Variants in UBASH3B observed in about 807,000 individuals in gnomAD.
UBASH3B encodes ubiquitin associated and SH3 domain containing B, also known as ubiquitin-associated and SH3 domain-containing protein B.
UBASH3B carries 37 observed loss-of-function variants against 83.4 expected under a neutral mutation model. That is an observed-to-expected ratio of 0.44 (90% CI 0.34 to 0.58). The LOEUF (loss-of-function observed/expected upper bound fraction) is 0.58, where lower values mean the gene tolerates loss of function less well. Among genes scored for constraint, UBASH3B ranks in the 20% least tolerant of loss-of-function variants. The pLI, the probability that UBASH3B is intolerant of heterozygous loss-of-function variation, is 0.01. For synonymous variants in UBASH3B, 304 were observed against 318.3 expected, an observed-to-expected ratio of 0.96 and a Z score of 0.48; for missense variants, 657 against 827.2, an observed-to-expected ratio of 0.79 and a Z score of 2.52.
chr11:122,677,477 T>G (rs1863683079), intron 1 of UBASH3B, among the ~76,000 whole-genome samples: 1 of 152,198 alleles, frequency 6.6e-6, no homozygotes, highest in Non-Finnish European at 1.5e-5. Flanking sequence ...TGTACGTACC[T>G]GATGCCGTGC....
intron 11 of UBASH3B, among the ~76,000 whole-genome samples, chr11:122,803,584 C>A (rs900795951): frequency 6.6e-6 from 1 of 151,936 alleles, no homozygotes; most frequent in Admixed American, 6.5e-5. Context: ...GGAGCTGGGC[C>A]AGAGGAGCAA....
chr11:122,690,038 G>A lies in UBASH3B; in HGVS notation c.161+33828G>A, dbSNP rs541746949. 4.6e-5 allele frequency among the ~76,000 whole-genome samples: 7 copies of A among 151,414 alleles called. No individual in the cohort carries two copies. The South Asian group carries it at 1.3e-3, about 27-fold the overall frequency. On this transcript the variant is annotated intron_variant, in intron 1 of 13. Coordinates refer to ENST00000284273, the MANE Select transcript of UBASH3B (RefSeq NM_032873.5). Reference sequence around the variant, plus strand: ...CTCAGCATTTCTTCCCCCAGGGTGGGACATTCTCTGGGGAGGGTCTTCTGA... The same window carrying A: ...CTCAGCATTTCTTCCCCCAGGGTGGAACATTCTCTGGGGAGGGTCTTCTGA...
intron 3 of UBASH3B, 50 bp from the exon 4 acceptor site, chr11:122,779,447 C>T (rs1483828620): frequency 6.2e-7 from 1 of 1,603,560 alleles, no homozygotes; most frequent in Non-Finnish European, 8.5e-7. Context: ...TAGCAGCAGA[C>T]TTCCATCTCC....
chr11:122,715,792 T>C (rs1860515576), intron 1 of UBASH3B, among the ~76,000 whole-genome samples: 1 of 152,216 alleles, frequency 6.6e-6, no homozygotes, highest in African/African-American at 2.4e-5. Context: ...ATTGCCAGGT[T>C]CTGTAACCAC....
chr11:122,712,188 C>T (rs547612936), intron 1 of UBASH3B, among the ~76,000 whole-genome samples: 2 of 152,272 alleles, frequency 1.3e-5, no homozygotes, highest in African/African-American at 4.8e-5. Context: ...GGAGCAAGTG[C>T]CAAAGTCAGC....
chr11:122,717,757 C>T (rs2135941353), intron 1 of UBASH3B, among the ~76,000 whole-genome samples: 1 of 152,270 alleles, frequency 6.6e-6, no homozygotes, highest in East Asian at 1.9e-4. Context: ...TTCTATAACT[C>T]TGAGAAGTCA....
intron 5 of UBASH3B, among the ~76,000 whole-genome samples, chr11:122,784,368 A>G (rs1028153623): frequency 3.3e-5 from 5 of 152,186 alleles, no homozygotes; most frequent in Non-Finnish European, 7.3e-5. Flanking sequence ...CTGAAACAAA[A>G]CTACATCATA....
Position 122,779,659 on chromosome 11 carries a change from G to T in UBASH3B, c.565G>T (p.Ala189Ser), listed in dbSNP as rs917080632. 1.9e-6 allele frequency: 3 copies of T among 1,614,090 alleles called. No homozygotes were observed. Among genetic ancestry groups the T allele is most frequent in the Non-Finnish European group, 2.5e-6 (3 of 1,180,046 alleles). ...CAGTGCGGAGGTCCTCAAGAAGTTT[G>T]CTGCTGACTTTGCTGCAGAGGCTGC... ...EDSAEVLKKF[A>S]ADFAAEAASK... is the part of the protein sequence containing the mutation. The change falls in exon 4 of 14, where the codon GCT becomes TCT. Residue 189 changes from alanine to serine, a missense_variant. This residue lies in a region of UBASH3B where 573 missense variants were observed against 739.0 expected (regional missense o/e 0.78). Coordinates refer to ENST00000284273, the MANE Select transcript of UBASH3B (RefSeq NM_032873.5).
chr11:122,746,606 G>C (rs544368743), intron 1 of UBASH3B, among the ~76,000 whole-genome samples: 1 of 152,332 alleles, frequency 6.6e-6, no homozygotes, highest in East Asian at 1.9e-4. Flanking sequence ...AATAGACATA[G>C]AAGGAAATAA....
chr11:122,735,841 G>A (rs539593827), intron 1 of UBASH3B, among the ~76,000 whole-genome samples: 94 of 152,288 alleles, frequency 6.2e-4, no homozygotes, highest in African/African-American at 1.8e-3. Context: ...GCGAAGTGGC[G>A]GCTTGAGCCT....
At chr11:122,800,394 A>C (rs1177754048) in intron 10 of UBASH3B, among the ~76,000 whole-genome samples, 2 of 149,814 alleles carry the variant, frequency 1.3e-5, no homozygotes, top group African/African-American at 4.9e-5. Context: ...AAAAAAAAAA[A>C]AAAAAAAACA....
intron 2 of UBASH3B, 55 bp downstream of exon 2, chr11:122,776,327 T>C (rs375976524): frequency 3.4e-5 from 51 of 1,504,260 alleles, no homozygotes; most frequent in Middle Eastern, 3.4e-4. Context: ...TCAAAGTGCA[T>C]GTGGATGAGT....
At chr11:122,720,344 C>T (rs141126099) in intron 1 of UBASH3B, among the ~76,000 whole-genome samples, 40 of 152,336 alleles carry the variant, frequency 2.6e-4, no homozygotes, top group South Asian at 2.1e-3. Context: ...TTCGCCGCTT[C>T]CACAGATCCA....
At chr11:122,686,295 A>G (rs766074373) in intron 1 of UBASH3B, among the ~76,000 whole-genome samples, 54 of 152,230 alleles carry the variant, frequency 3.5e-4, no homozygotes, top group Non-Finnish European at 6.2e-4. Context: ...CGAGGAAGAG[A>G]CAAATGGCTA....
chr11:122,661,416 G>T (rs142546766), intron 1 of UBASH3B, among the ~76,000 whole-genome samples: 1 of 152,158 alleles, frequency 6.6e-6, no homozygotes, highest in African/African-American at 2.4e-5. Flanking sequence ...GGTTGACATT[G>T]GATCCTCTGA....
In UBASH3B at chr11:122,806,445, A is replaced by G; in HGVS notation, c.1631A>G (p.Glu544Gly). The G allele has an allele frequency of 6.2e-7, 1 of 1,605,030 alleles. No individual in the cohort carries two copies. Among genetic ancestry groups the G allele is most frequent in the Non-Finnish European group, 8.5e-7 (1 of 1,177,518 alleles). Residue 544 changes from glutamate (E) to glycine (G), a missense_variant, in exon 12 of 14, where the codon GAA (glutamate) becomes GGA (glycine). By Grantham distance (98) the Glu-to-Gly change is moderately conservative. Around this residue, in one of 3 missense-constraint regions of UBASH3B, gnomAD observed 573 missense variants for 739.0 expected, o/e 0.78. Coordinates refer to ENST00000284273, the MANE Select transcript of UBASH3B (RefSeq NM_032873.5). This position sits in a 1 kb window ranked among gnomAD's most constrained non-coding sequence, Gnocchi z 4.0. Reference sequence around the variant, plus strand: ...CCAATCAGCAAATTAGTTGTTTCAGAATCCTATGATACTTATATCAGTAGA... The same window carrying G: ...CCAATCAGCAAATTAGTTGTTTCAGGATCCTATGATACTTATATCAGTAGA... ...HIPISKLVVS[E>G]SYDTYISRSF... is the part of the protein sequence containing the mutation.
intron 1 of UBASH3B, among the ~76,000 whole-genome samples, chr11:122,688,452 G>C (rs10892884): frequency 1.5e-5 from 2 of 136,960 alleles, no homozygotes; most frequent in African/African-American, 5.4e-5. Flanking sequence ...TGGTTTGTTT[G>C]TTTTTTTTTT....
At chr11:122,721,933 T>C (rs910846159) in intron 1 of UBASH3B, among the ~76,000 whole-genome samples, 2 of 152,264 alleles carry the variant, frequency 1.3e-5, no homozygotes, top group African/African-American at 4.8e-5. Context: ...ATGACATTCA[T>C]AGAAGACACT....
intron 4 of UBASH3B, among the ~76,000 whole-genome samples, chr11:122,781,993 G>T (rs1236916995): frequency 1.3e-5 from 2 of 152,162 alleles, no homozygotes; most frequent in Non-Finnish European, 2.9e-5. Flanking sequence ...ACTTGACCAA[G>T]TTCCTTAAAT....
Sources: gnomAD v4.1 joint callset for allele counts (sites outside exome capture counted in the v4.1 genomes callset) on GRCh38, gnomAD v4.1.1 for gene constraint, gnomAD v4.1.1 regional missense constraint, Gnocchi (gnomAD v3.1) non-coding constraint, MANE v1.5 for transcripts, NCBI Gene and HGNC (gene_info 2026-07-23, HGNC 2026-07-21) for gene names.